SLC66A1: variants seen among roughly 807,000 people sequenced by gnomAD.
The protein encoded by SLC66A1 is lysosomal amino acid transporter 1 homolog.
SLC66A1 carries 23 observed loss-of-function variants against 33.0 expected under a neutral mutation model. The observed-to-expected ratio is 0.70, with a 90% CI of 0.50 to 0.99. SLC66A1 has a LOEUF of 0.99. Among genes scored for constraint, SLC66A1 ranks in the 50% least tolerant of loss-of-function variants. The pLI, the probability that SLC66A1 is intolerant of heterozygous loss-of-function variation, is 0.00. For synonymous variants in SLC66A1, 164 were observed against 175.5 expected, an observed-to-expected ratio of 0.93 and a Z score of 0.52; for missense variants, 335 against 383.6, an observed-to-expected ratio of 0.87 and a Z score of 1.06.
Position 19,312,711 on chromosome 1 carries a change from C to T in SLC66A1, c.-257C>T, listed in dbSNP as rs1468083796. 1.3e-5 allele frequency: 2 copies of T among 152,810 alleles called. No homozygotes were observed. The highest frequency in any genetic ancestry group is 2.4e-5 in the African/African-American group (1 of 41,484). The allele number at this position is 152,810 out of a possible 1,614,324, so 9.5% of individuals were successfully genotyped here. On this transcript the variant is annotated 5_prime_UTR_variant, in exon 1 of 8. Transcript: ENST00000375153. ...GCGCTGGCCCCAGCAGCTGTCCTATCATTATCCCTCCAAACAGGCGGCCCG... is the reference window on the plus strand; with the variant it reads ...GCGCTGGCCCCAGCAGCTGTCCTATTATTATCCCTCCAAACAGGCGGCCCG...
chr1:19,327,586 G>T, intron 7 of SLC66A1, 174 bp downstream of exon 7: 1 of 776,444 alleles, frequency 1.3e-6, no homozygotes. Flanking sequence ...CACACCTCCT[G>T]TGTGCCAGGC....
At chr1:19,323,459 T>C (rs748676242) in intron 2 of SLC66A1, among the ~76,000 whole-genome samples, 1 of 152,100 alleles carries the variant, frequency 6.6e-6, no homozygotes, top group Non-Finnish European at 1.5e-5. Context: ...CAGGCTGGAG[T>C]GCAGTGGTGT....
At position 19,328,645 on chromosome 1, in the gene SLC66A1, C is replaced by T; in HGVS notation, c.*2C>T. The T allele has an allele frequency of 6.2e-7, 1 of 1,613,574 alleles. No homozygotes were observed. Among genetic ancestry groups the T allele is most frequent in the Non-Finnish European group, 8.5e-7 (1 of 1,179,826 alleles). On this transcript the variant is annotated 3_prime_UTR_variant, in exon 8 of 8. Transcript: ENST00000375153. The surrounding 1 kb of genome is among the most constrained non-coding windows in gnomAD (Gnocchi z 4.7). ...CTTGAGCCCCTCCTCCCCAGCTGAC[C>T]AGAACCAGGCTGAGCGCAGGAGGAC...
chr1:19,333,578 G>A (rs148002667), downstream of SLC66A1, among the ~76,000 whole-genome samples: 191 of 152,260 alleles, frequency 1.3e-3, 1 homozygote, highest in African/African-American at 4.4e-3. This position sits in a 1 kb window ranked among gnomAD's most constrained non-coding sequence, Gnocchi z 4.2. Context: ...GGCTTTCATC[G>A]GAGCTGAATG....
chr1:19,331,571 C>T (rs1483659738), downstream of SLC66A1, among the ~76,000 whole-genome samples: 2 of 152,222 alleles, frequency 1.3e-5, no homozygotes, highest in Admixed American at 1.3e-4. Context: ...TGAATAGCGA[C>T]TTTGCTGAGC....
chr1:19,333,158 C>T (rs1372065007), downstream of SLC66A1, among the ~76,000 whole-genome samples: 2 of 152,148 alleles, frequency 1.3e-5, no homozygotes, highest in Admixed American at 6.6e-5. This position sits in a 1 kb window ranked among gnomAD's most constrained non-coding sequence, Gnocchi z 4.2. Flanking sequence ...CACTGGACCC[C>T]GCGCCCTCCC....
chr1:19,318,786 CAAAAAAA>C (rs34811529), intron 2 of SLC66A1, among the ~76,000 whole-genome samples: 17 of 131,780 alleles, frequency 1.3e-4, no homozygotes, highest in Non-Finnish European at 1.2e-4. Flanking sequence ...CCATCTCTAC[CAAAAAAA>C]AAAAAAAAAT....
At chr1:19,329,704 T>A (rs1201333455), downstream of SLC66A1, among the ~76,000 whole-genome samples, 1 of 152,168 alleles carries the variant, frequency 6.6e-6, no homozygotes, top group Non-Finnish European at 1.5e-5. Context: ...CATTATGGAG[T>A]TTAGCCCCAG....
chr1:19,328,799 A>G lies in SLC66A1; in HGVS notation c.*156A>G. Reference sequence around the variant, plus strand: ...ACCGTCCCCCCAGGAACACACCTTCAGGTAGACCCCGAAGCCTCAAGGCCG... The same window carrying G: ...ACCGTCCCCCCAGGAACACACCTTCGGGTAGACCCCGAAGCCTCAAGGCCG... On this transcript the variant is annotated 3_prime_UTR_variant, in exon 8 of 8. Transcript: ENST00000375153. The surrounding 1 kb of genome is among the most constrained non-coding windows in gnomAD (Gnocchi z 4.7). 2 of 787,318 alleles carry G rather than the reference A, an allele frequency of 2.5e-6. No individual in the cohort carries two copies. The highest frequency in any genetic ancestry group is 4.0e-6 in the Non-Finnish European group (2 of 495,826). The allele number at this position is 787,318 out of a possible 1,614,324, so 48.8% of individuals were successfully genotyped here.
At chr1:19,319,294 C>T (rs901610812) in intron 2 of SLC66A1, among the ~76,000 whole-genome samples, 13 of 152,188 alleles carry the variant, frequency 8.5e-5, no homozygotes, top group African/African-American at 1.7e-4. Flanking sequence ...TCATTTCTCC[C>T]GGAACCTCTC....
chr1:19,320,448 C>T (rs1263018547), intron 2 of SLC66A1, among the ~76,000 whole-genome samples: 1 of 127,468 alleles, frequency 7.8e-6, no homozygotes, highest in East Asian at 2.5e-4. Flanking sequence ...CAGTCTCGCT[C>T]TGTCGCCCAG....
At chr1:19,329,470 G>A (rs214317), downstream of SLC66A1, among the ~76,000 whole-genome samples, 1,061 of 152,188 alleles carry the variant, frequency 7.0e-3, 14 homozygotes, top group African/African-American at 0.024. Context: ...CTGCTTCTCC[G>A]GGCCCTTTCC....
chr1:19,334,018 A>G (rs1350892688), downstream of SLC66A1, among the ~76,000 whole-genome samples: 2 of 152,234 alleles, frequency 1.3e-5, no homozygotes, highest in Admixed American at 6.5e-5. Context: ...ACTCAGTTCA[A>G]CTGATAACTA....
downstream of SLC66A1, among the ~76,000 whole-genome samples, chr1:19,329,805 G>A (rs1278302601): frequency 6.6e-6 from 1 of 152,158 alleles, no homozygotes; most frequent in Non-Finnish European, 1.5e-5. Context: ...ATCAGGGAGA[G>A]CCTCCTGGAG....
intron 2 of SLC66A1, among the ~76,000 whole-genome samples, chr1:19,321,805 G>T (rs546832546): frequency 6.6e-6 from 1 of 150,792 alleles, no homozygotes; most frequent in East Asian, 1.9e-4. Context: ...GACCTCAGGT[G>T]GTCTACCTGC....
At chr1:19,330,827 C>G (rs780108873), downstream of SLC66A1, among the ~76,000 whole-genome samples, 13 of 152,192 alleles carry the variant, frequency 8.5e-5, no homozygotes, top group African/African-American at 2.9e-4. Flanking sequence ...GCAAGGCACA[C>G]CTCTGAGACC....
chr1:19,333,100 C>G (rs902043123), downstream of SLC66A1, among the ~76,000 whole-genome samples: 1 of 152,192 alleles, frequency 6.6e-6, no homozygotes, highest in Admixed American at 6.6e-5. This position sits in a 1 kb window ranked among gnomAD's most constrained non-coding sequence, Gnocchi z 4.2. Flanking sequence ...TAGCTGGTGG[C>G]GTTCTCCAGC....
rs1475303571 is a variant in SLC66A1 at position 19,324,684 on chromosome 1, G to A, written c.216G>A (p.Leu72=). ...GCAACATGGACCAGGCGCTGTCCCT[G>A]TGGTTCCTCCTGGGCTGGATTGGCG... ...KTGNMDQALS[L]WFLLGWIGGD... Residue 72 remains leucine, a synonymous_variant, in exon 3 of 8, where the codon CTG becomes CTA. Coordinates refer to ENST00000375153, the MANE Select transcript of SLC66A1 (RefSeq NM_001040125.2). 3 of 1,614,122 alleles carry A rather than the reference G, an allele frequency of 1.9e-6. No homozygotes were observed. Among genetic ancestry groups the A allele is most frequent in the Admixed American group, 1.7e-5 (1 of 60,016 alleles).
chr1:19,317,782 C>T lies in SLC66A1; in HGVS notation c.105C>T (p.Asp35=), dbSNP rs540757253. The T allele has an allele frequency of 1.1e-5, 17 of 1,614,126 alleles. No individual in the cohort carries two copies. The East Asian group carries it at 2.2e-4, about 21-fold the overall frequency. Reference sequence around the variant, plus strand: ...GTGAATGTGCCCAGGACGGCTGGGACGAGGCCAGCGTGGGCCTGGGCTTGA... The same window carrying T: ...GTGAATGTGCCCAGGACGGCTGGGATGAGGCCAGCGTGGGCCTGGGCTTGA... The part of the protein sequence containing the change: ...VLGECAQDGW[D]EASVGLGLIS... Residue 35 remains aspartate, a synonymous_variant, in exon 2 of 8, where the codon GAC becomes GAT. Transcript: ENST00000375153.
Sources: gnomAD v4.1 joint callset for allele counts (sites outside exome capture counted in the v4.1 genomes callset) on GRCh38, gnomAD v4.1.1 for gene constraint, Gnocchi (gnomAD v3.1) non-coding constraint, MANE v1.5 for transcripts, NCBI Gene and HGNC (gene_info 2026-07-23, HGNC 2026-07-21) for gene names.